The following HERC2 variants were observed in gnomAD, a reference collection of about 807,000 sequenced individuals.
The protein encoded by HERC2 is HECT and RLD domain containing E3 ubiquitin protein ligase 2.
HERC2 carries 102 observed loss-of-function variants against 537.7 expected under a neutral mutation model. The observed-to-expected ratio is 0.19, with a 90% CI of 0.16 to 0.22. The LOEUF (loss-of-function observed/expected upper bound fraction) is 0.22. Ranked by LOEUF, HERC2 falls within the 10% of genes least tolerant of loss-of-function variation. HERC2 has a pLI of 1.00. For synonymous variants in HERC2, 2,224 were observed against 2,466.2 expected (o/e 0.90, Z 2.91); for missense variants, 4,236 against 6,198.2 (o/e 0.68, Z 10.63).
At chr15:28,248,428 C>A (rs1369632637) in intron 21 of HERC2, 124 bp downstream of exon 21, 5 of 631,676 alleles carry the variant, frequency 7.9e-6, no homozygotes, top group African/African-American at 3.7e-5. Flanking sequence ...AATGAAGCCC[C>A]AAAATTGGTG....
chr15:28,190,827 A>T, intron 55 of HERC2, 138 bp downstream of exon 55: 2 of 656,874 alleles, frequency 3.0e-6, no homozygotes. Flanking sequence ...GTATCTTTTA[A>T]AGTGTCAAAA....
chr15:28,182,377 T>C (rs751888801), intron 57 of HERC2, 24 bp downstream of exon 57: 2 of 1,533,226 alleles, frequency 1.3e-6, no homozygotes, highest in African/African-American at 1.4e-5. Flanking sequence ...CCCACCCTGC[T>C]GGGTCCCAGG....
intron 2 of HERC2, among the ~76,000 whole-genome samples, chr15:28,311,231 G>C (rs56943892): frequency 6.6e-6 from 1 of 151,132 alleles, no homozygotes; most frequent in Non-Finnish European, 1.5e-5. Flanking sequence ...CTGGGAGGCC[G>C]AGGTGGGCAG....
intron 30 of HERC2, among the ~76,000 whole-genome samples, chr15:28,232,713 T>A (rs1902009360): frequency 6.6e-6 from 1 of 152,194 alleles, no homozygotes. Flanking sequence ...TCCAGGAAAA[T>A]GTAACTCTTT....
rs1245943225 is a variant in HERC2, at chr15:28,270,976, T to C, written c.1084-108A>G. 1.8e-5 allele frequency: 15 copies of C among 849,936 alleles called. No individual in the cohort carries two copies. The African/African-American group carries it at 2.0e-4, about 12-fold the overall frequency. The allele number at this position is 849,936 out of a possible 1,614,324, so 52.6% of individuals were successfully genotyped here. A position where few individuals can be genotyped will look rare whatever the true frequency, so the allele number is the denominator to read the frequency against. ...TTTTGGTATTGACTCATTTGACCCA[T>C]CAAATGACAATGTCAATGATACAGT... On this transcript the variant is annotated intron_variant, in intron 9 of 92. Transcript: ENST00000261609.
At chr15:28,191,865 C>G in intron 53 of HERC2, 96 bp downstream of exon 53, 2 of 1,094,672 alleles carry the variant, frequency 1.8e-6, no homozygotes, top group Non-Finnish European at 2.6e-6. Context: ...GTGCTATCAG[C>G]AAAACTTTGC....
In HERC2 at chr15:28,176,913, T is replaced by C. The variant is rs1895344827; in HGVS notation, c.9432+37A>G. 6.3e-7 allele frequency: 1 copy of C among 1,597,982 alleles called. No homozygotes were observed. The highest frequency in any genetic ancestry group is 1.7e-5 in the Admixed American group (1 of 59,324). On this transcript the variant is annotated intron_variant, in intron 61 of 92. Transcript: ENST00000261609. This position sits in a 1 kb window ranked among gnomAD's most constrained non-coding sequence, Gnocchi z 5.0. Reference sequence around the variant, plus strand: ...ATTTTCTCTTGACATCTTCAGATGGTAAGCTTTCTGCAAGCAACAAAAATG... The same window carrying C: ...ATTTTCTCTTGACATCTTCAGATGGCAAGCTTTCTGCAAGCAACAAAAATG...
At chr15:28,116,586 C>G in intron 88 of HERC2, 79 bp downstream of exon 88, 1 of 1,322,896 alleles carries the variant, frequency 7.6e-7, no homozygotes, top group South Asian at 1.4e-5. Context: ...TACTGTCACT[C>G]CTCAAACAGA....
At position 28,277,084 on chromosome 15, in the gene HERC2, TATAATAATAACA is replaced by T. The variant is rs201799561; in HGVS notation, c.543-2091_543-2080del. ...AGGGTGAGACCCTGTCTCCAAAAAT[TATAATAATAACA>T]ATAATAAAAAATTTAAAAGCCAATG... On this transcript the variant is annotated intron_variant, in intron 5 of 92. Transcript: ENST00000261609. Among the ~76,000 whole-genome samples the T allele has an allele frequency of 8.4e-3, 1,273 of 152,124 alleles. 48 individuals carry two copies. Among genetic ancestry groups the T allele is most frequent in the Admixed American group, 0.069 (1,050 of 15,276 alleles).
intron 3 of HERC2, among the ~76,000 whole-genome samples, chr15:28,293,706 T>G (rs537033640): frequency 4.5e-4 from 69 of 152,224 alleles, no homozygotes; most frequent in African/African-American, 1.6e-3. Context: ...AGGAGTATGA[T>G]TCAAAAATCT....
At position 28,174,524 on chromosome 15, in the gene HERC2, T is replaced by C. The variant is rs1320388147; in HGVS notation, c.9928A>G (p.Lys3310Glu). The C allele has an allele frequency of 6.2e-7, 1 of 1,613,890 alleles. No individual in the cohort carries two copies. Among genetic ancestry groups the C allele is most frequent in the Non-Finnish European group, 8.5e-7 (1 of 1,179,896 alleles). The change falls in exon 65 of 93, where the codon AAG becomes GAG. Residue 3310 changes from lysine to glutamate, a missense_variant. By Grantham distance (56) the Lys-to-Glu change is moderately conservative. Around this residue, in one of 27 missense-constraint regions of HERC2, gnomAD observed 93 missense variants for 265.1 expected, o/e 0.35. Transcript: ENST00000261609. ...GACCCACAAGCCACGCGTGTGATCT[T>C]CTGGCCTTCTAAGCCTTGCACGAGT... ...PTLVQGLEGQ[K>E]ITRVACGSSH...
intron 69 of HERC2, among the ~76,000 whole-genome samples, chr15:28,159,162 C>G (rs2142402567): frequency 6.6e-6 from 1 of 152,266 alleles, no homozygotes; most frequent in East Asian, 1.9e-4. Context: ...CTCTGGCTGC[C>G]CTTAACATTT....
At chr15:28,142,776 C>G in intron 75 of HERC2, 51 bp downstream of exon 75, 1 of 1,525,926 alleles carries the variant, frequency 6.6e-7, no homozygotes, top group Non-Finnish European at 8.9e-7. Context: ...CTCAGTGGCT[C>G]TTTCAGTCAA....
At chr15:28,272,140 A>G in intron 9 of HERC2, 75 bp downstream of exon 9, 6 of 1,320,894 alleles carry the variant, frequency 4.5e-6, no homozygotes, top group Non-Finnish European at 4.1e-6. Flanking sequence ...TGCCGTTGAC[A>G]TGCATGCTAG....
At position 28,230,431 on chromosome 15, in the gene HERC2, G is replaced by A; in HGVS notation, c.4745C>T (p.Ala1582Val). ...TATTGGACTATGAGGCAAAATGCAA[G>A]CTTCTTCTAAATCACTCTCTTCGTT... ...IGNEESDLEE[A>V]CILPHSPINV... Residue 1582 changes from alanine to valine, a missense_variant, in exon 31 of 93, where the codon GCT becomes GTT. This residue lies in a region of HERC2 where 343 missense variants were observed against 417.2 expected (regional missense o/e 0.82). Transcript: ENST00000261609. The A allele has an allele frequency of 6.9e-7, 1 of 1,455,194 alleles. No homozygotes were observed. Among genetic ancestry groups the A allele is most frequent in the Non-Finnish European group, 9.5e-7 (1 of 1,052,512 alleles). The allele number at this position is 1,455,194 out of a possible 1,614,324, so 90.1% of individuals were successfully genotyped here. A position where few individuals can be genotyped will look rare whatever the true frequency, so the allele number is the denominator to read the frequency against.
intron 12 of HERC2, among the ~76,000 whole-genome samples, chr15:28,266,313 C>G (rs1234980644): frequency 6.6e-6 from 1 of 152,080 alleles, no homozygotes; most frequent in African/African-American, 2.4e-5. Context: ...GTCACGAGTT[C>G]GAGACCAGCC....
chr15:28,179,507 A>T (rs540047081), intron 57 of HERC2, among the ~76,000 whole-genome samples: 12 of 152,360 alleles, frequency 7.9e-5, no homozygotes, highest in African/African-American at 2.6e-4. Flanking sequence ...GCTGCCAGCT[A>T]CATATCAACA....
chr15:28,269,801 T>C (rs1276095459), intron 10 of HERC2, among the ~76,000 whole-genome samples: 1 of 152,254 alleles, frequency 6.6e-6, no homozygotes, highest in Non-Finnish European at 1.5e-5. Context: ...CCAGCATCCA[T>C]GTTGGTGGTG....
intron 55 of HERC2, among the ~76,000 whole-genome samples, chr15:28,189,404 G>A (rs8027732): frequency 0.13 from 20,220 of 152,198 alleles, 4,513 homozygotes; most frequent in African/African-American, 0.46. Context: ...TCTGAACTAT[G>A]TAACTAAGGC....
Sources: gnomAD v4.1 joint callset for allele counts (sites outside exome capture counted in the v4.1 genomes callset) on GRCh38, gnomAD v4.1.1 for gene constraint, gnomAD v4.1.1 regional missense constraint, Gnocchi (gnomAD v3.1) non-coding constraint, MANE v1.5 for transcripts, NCBI Gene and HGNC (gene_info 2026-07-23, HGNC 2026-07-21) for gene names.